Variants in ARRB1 observed in about 807,000 individuals in gnomAD.
ARRB1 encodes the protein beta-arrestin-1.
Under a neutral mutation model 56.8 loss-of-function variants are expected in ARRB1, and 21 were observed. That is an observed-to-expected ratio of 0.37 (90% CI 0.26 to 0.53). The LOEUF is 0.53. Among genes scored for constraint, ARRB1 ranks in the 20% least tolerant of loss-of-function variants. ARRB1 has a pLI of 0.88. For synonymous variants in ARRB1, 210 were observed against 218.6 expected, an observed-to-expected ratio of 0.96 and a Z score of 0.35; for missense variants, 424 against 553.7, an observed-to-expected ratio of 0.77 and a Z score of 2.35.
At chr11:75,308,343 C>T (rs1276453242) in intron 1 of ARRB1, among the ~76,000 whole-genome samples, 2 of 152,248 alleles carry the variant, frequency 1.3e-5, no homozygotes, top group African/African-American at 4.8e-5. Flanking sequence ...GGCCCCATGA[C>T]CAAGGCCCAA....
chr11:75,309,756 A>C (rs1356418001), intron 1 of ARRB1, among the ~76,000 whole-genome samples: 1 of 152,188 alleles, frequency 6.6e-6, no homozygotes, highest in Non-Finnish European at 1.5e-5. Flanking sequence ...AGCATTTTAA[A>C]TAAATGCATT....
chr11:75,307,517 A>G (rs1233334279), intron 1 of ARRB1, among the ~76,000 whole-genome samples: 1 of 152,162 alleles, frequency 6.6e-6, no homozygotes, highest in East Asian at 1.9e-4. Flanking sequence ...CAGGAAACAG[A>G]AGTCATGGTG....
At chr11:75,301,670 CAG>C (rs1229437437) in intron 1 of ARRB1, among the ~76,000 whole-genome samples, 3 of 152,298 alleles carry the variant, frequency 2.0e-5, no homozygotes, top group Middle Eastern at 3.4e-3. Flanking sequence ...CCACTTTCCT[CAG>C]TGTGAGAGCA....
chr11:75,330,418 G>A (rs748956602), intron 1 of ARRB1, among the ~76,000 whole-genome samples: 2 of 152,128 alleles, frequency 1.3e-5, no homozygotes, highest in African/African-American at 4.8e-5. Flanking sequence ...TGTTCCAAAG[G>A]CTGCAGGAAA....
chr11:75,336,714 T>C (rs998571698), intron 1 of ARRB1, among the ~76,000 whole-genome samples: 4 of 152,044 alleles, frequency 2.6e-5, no homozygotes, highest in African/African-American at 9.7e-5. Flanking sequence ...CTACCAAACA[T>C]AGTCACTGCC....
At chr11:75,281,170 G>A (rs763383585) in intron 6 of ARRB1, 28 bp from the exon 7 acceptor site, 27 of 1,578,000 alleles carry the variant, frequency 1.7e-5, no homozygotes, top group Non-Finnish European at 2.2e-5. Flanking sequence ...CTGACCACAG[G>A]GCCTTGGAGA....
rs1447423447 is a variant in ARRB1, at chr11:75,278,609, C to T, written c.618G>A (p.Glu206=). 1.2e-6 allele frequency: 2 copies of T among 1,613,996 alleles called. No individual in the cohort carries two copies. Among genetic ancestry groups the T allele is most frequent in the Non-Finnish European group, 1.7e-6 (2 of 1,180,002 alleles). ...PLHLEASLDK[E]IYYHGEPISV... ...CCCCTGCCAAGTCCGAGCCTCCTAC[C>T]TCCTTATCCAGAGAGGCTTCTAGGT... Residue 206 remains glutamate, a splice_region_variant and synonymous_variant, in exon 8 of 16, where the codon GAG becomes GAA. Transcript: ENST00000420843.
At chr11:75,293,859 T>C (rs962373100) in intron 1 of ARRB1, among the ~76,000 whole-genome samples, 1 of 152,146 alleles carries the variant, frequency 6.6e-6, no homozygotes. Context: ...TCTCTGCACC[T>C]CTCCTCCCGG....
At chr11:75,345,186 C>T (rs1947746571) in intron 1 of ARRB1, among the ~76,000 whole-genome samples, 1 of 152,180 alleles carries the variant, frequency 6.6e-6, no homozygotes, top group Non-Finnish European at 1.5e-5. Context: ...CTCCCAGGGG[C>T]TTCATCTGGC....
intron 13 of ARRB1, 143 bp from the exon 14 acceptor site, chr11:75,269,102 T>G: frequency 1.1e-6 from 1 of 876,134 alleles, no homozygotes; most frequent in South Asian, 1.4e-5. Flanking sequence ...CAGCCCCAGT[T>G]CTGCCACTCG....
intron 1 of ARRB1, among the ~76,000 whole-genome samples, chr11:75,296,283 T>A (rs1946748837): frequency 6.6e-6 from 1 of 152,042 alleles, no homozygotes; most frequent in Non-Finnish European, 1.5e-5. Flanking sequence ...AATTTCATGC[T>A]GCAAATTTAA....
chr11:75,283,291 A>G lies in ARRB1; in HGVS notation c.350T>C (p.Phe117Ser). 6.2e-7 allele frequency: 1 copy of G among 1,600,374 alleles called. No individual in the cohort carries two copies. The highest frequency in any genetic ancestry group is 8.5e-7 in the Non-Finnish European group (1 of 1,171,594). ...CCAGGGATGGCAGTTCCTGACCTCA[A>G]AGGTGAAAGGGTAAGCGTGCTCGCC... ...KLGEHAYPFT[F>S]EIPPNLPCSV... The change falls in exon 5 of 16, where the codon TTT (phenylalanine) becomes TCT (serine). Residue 117 changes from phenylalanine to serine, a missense_variant. Phe to Ser is a radical substitution (Grantham distance 155, BLOSUM62 -2). Coordinates refer to ENST00000420843, the MANE Select transcript of ARRB1 (RefSeq NM_004041.5).
chr11:75,295,247 CA>C (rs1429577762), intron 1 of ARRB1, among the ~76,000 whole-genome samples: 4 of 128,838 alleles, frequency 3.1e-5, no homozygotes, highest in Non-Finnish European at 6.4e-5. Flanking sequence ...AAAAAAAAAA[CA>C]CACACACCCA....
At chr11:75,339,415 C>A (rs989019120) in intron 1 of ARRB1, among the ~76,000 whole-genome samples, 1 of 152,248 alleles carries the variant, frequency 6.6e-6, no homozygotes, top group African/African-American at 2.4e-5. Context: ...CTCAAGCAGT[C>A]TGCATTCCCA....
At chr11:75,314,624 G>GA (rs960336053) in intron 1 of ARRB1, among the ~76,000 whole-genome samples, 1 of 150,830 alleles carries the variant, frequency 6.6e-6, no homozygotes, top group Non-Finnish European at 1.5e-5. Flanking sequence ...TTTTTTCTTT[G>GA]AAAAAAAACT....
intron 1 of ARRB1, among the ~76,000 whole-genome samples, chr11:75,327,598 T>TG (rs199517701): frequency 5.7e-5 from 5 of 88,474 alleles, no homozygotes; most frequent in African/African-American, 1.2e-4. Context: ...TTTTTGTTTT[T>TG]GTTTTTTTTT....
chr11:75,306,258 G>A (rs1947025727), intron 1 of ARRB1, among the ~76,000 whole-genome samples: 1 of 152,100 alleles, frequency 6.6e-6, no homozygotes, highest in South Asian at 2.1e-4. Flanking sequence ...CACTTCAGCT[G>A]CCACCGATGC....
At chr11:75,316,685 G>C (rs1363006591) in intron 1 of ARRB1, among the ~76,000 whole-genome samples, 1 of 152,110 alleles carries the variant, frequency 6.6e-6, no homozygotes, top group Admixed American at 6.5e-5. Flanking sequence ...AGAAGACACA[G>C]GCAGGAGAAT....
intron 1 of ARRB1, among the ~76,000 whole-genome samples, chr11:75,326,252 T>C (rs1947431686): frequency 6.6e-6 from 1 of 152,202 alleles, no homozygotes; most frequent in Non-Finnish European, 1.5e-5. Flanking sequence ...CACTGAGTCA[T>C]GCTTGCAGCT....
Sources: gnomAD v4.1 joint callset for allele counts (sites outside exome capture counted in the v4.1 genomes callset) on GRCh38, gnomAD v4.1.1 for gene constraint, MANE v1.5 for transcripts, NCBI Gene and HGNC (gene_info 2026-07-23, HGNC 2026-07-21) for gene names.